Variants in NELL2 observed in about 807,000 individuals in gnomAD.
NELL2 encodes neural EGFL like 2.
Under a neutral mutation model 109.6 loss-of-function variants are expected in NELL2, and 41 were observed. That is an observed-to-expected ratio of 0.37 (90% CI 0.29 to 0.49). The LOEUF (loss-of-function observed/expected upper bound fraction) is 0.49. Ranked by LOEUF, NELL2 falls within the 20% of genes least tolerant of loss-of-function variation. The probability of loss-of-function intolerance (pLI) is 0.98; values close to 1 mark genes in which losing one functional copy is unlikely to be tolerated. For missense variants in NELL2, 900 were observed against 1,008.3 expected (o/e 0.89, Z 1.45); for synonymous variants, 355 against 344.7 (o/e 1.03, Z -0.33).
intron 2 of NELL2, among the ~76,000 whole-genome samples, chr12:44,847,935 G>A (rs1404866728): frequency 6.6e-6 from 1 of 151,320 alleles, no homozygotes; most frequent in Non-Finnish European, 1.5e-5. Context: ...GGGAGGCTGA[G>A]GTTCAAGAAT....
At chr12:44,616,239 G>C (rs1414651527) in intron 13 of NELL2, among the ~76,000 whole-genome samples, 1 of 152,058 alleles carries the variant, frequency 6.6e-6, no homozygotes, top group Non-Finnish European at 1.5e-5. Flanking sequence ...CTTCTCTAAT[G>C]TATTTCTCCT....
intron 3 of NELL2, among the ~76,000 whole-genome samples, chr12:44,814,253 C>G (rs1420373647): frequency 6.6e-6 from 1 of 152,142 alleles, no homozygotes; most frequent in Non-Finnish European, 1.5e-5. Context: ...TGGAAGAAGG[C>G]TGGGTGAGTT....
At chr12:44,770,819 A>G (rs764255116) in intron 9 of NELL2, among the ~76,000 whole-genome samples, 1 of 152,154 alleles carries the variant, frequency 6.6e-6, no homozygotes, top group African/African-American at 2.4e-5. Flanking sequence ...CAGATTCCCT[A>G]TTCTCATGAA....
intron 15 of NELL2, among the ~76,000 whole-genome samples, chr12:44,585,192 T>G (rs1401848854): frequency 6.6e-6 from 1 of 152,246 alleles, no homozygotes; most frequent in Non-Finnish European, 1.5e-5. Context: ...CAATTTTACT[T>G]CTAGGAAATA....
intron 2 of NELL2, among the ~76,000 whole-genome samples, chr12:44,868,618 A>G (rs1945077484): frequency 2.0e-5 from 3 of 152,210 alleles, no homozygotes; most frequent in Admixed American, 2.0e-4. Flanking sequence ...ACATTATGTA[A>G]AGTGAAATAA....
intron 13 of NELL2, among the ~76,000 whole-genome samples, chr12:44,648,085 C>G (rs1339542438): frequency 6.6e-6 from 1 of 152,030 alleles, no homozygotes; most frequent in Non-Finnish European, 1.5e-5. Context: ...GGGGGCTCCA[C>G]TGTGTGGAAG....
intron 19 of NELL2, among the ~76,000 whole-genome samples, chr12:44,517,312 T>C (rs1941314291): frequency 6.6e-6 from 1 of 152,078 alleles, no homozygotes; most frequent in Non-Finnish European, 1.5e-5. Flanking sequence ...TTCAAGTTTG[T>C]AGTTTTTGAT....
intron 2 of NELL2, among the ~76,000 whole-genome samples, chr12:44,841,187 T>C (rs1010724265): frequency 5.3e-5 from 8 of 152,240 alleles, no homozygotes; most frequent in Non-Finnish European, 1.0e-4. Context: ...CTATGTAGTA[T>C]GGCATTTCAA....
At chr12:44,655,470 G>A (rs948084983) in intron 13 of NELL2, among the ~76,000 whole-genome samples, 2 of 152,208 alleles carry the variant, frequency 1.3e-5, no homozygotes, top group South Asian at 2.1e-4. Context: ...AGCTCCCAGA[G>A]GCTTTGAGCC....
At chr12:44,876,374 C>T (rs1945325756), upstream of NELL2, 1 of 1,182,058 alleles carries the variant, frequency 8.5e-7, no homozygotes, top group Non-Finnish European at 1.1e-6. Flanking sequence ...AGGGGCGGGC[C>T]GGGGGAGGCG....
intron 9 of NELL2, among the ~76,000 whole-genome samples, chr12:44,760,700 C>CA (rs1941085748): frequency 2.0e-5 from 3 of 150,950 alleles, no homozygotes; most frequent in Admixed American, 6.6e-5. Context: ...TTTGTTTGAC[C>CA]AAAAAAAAGT....
rs540176807 is a variant in NELL2 at position 44,514,934 on chromosome 12, A to T, written c.2400+5071T>A. ...ATAATACTATACCTAATTATAATAT[A>T]ATAAGTTAATGATATATATTATAAT... is the stretch of plus-strand genomic sequence containing the variant. On this transcript the variant is annotated intron_variant, in intron 19 of 19. Transcript: ENST00000429094. Among the ~76,000 whole-genome samples, 30 of 151,148 alleles carry T rather than the reference A, an allele frequency of 2.0e-4. 2 individuals are homozygous for T. Among genetic ancestry groups the T allele is most frequent in the African/African-American group, 6.8e-4 (28 of 41,392 alleles).
At chr12:44,846,661 T>C (rs1338775527) in intron 2 of NELL2, among the ~76,000 whole-genome samples, 3 of 152,206 alleles carry the variant, frequency 2.0e-5, no homozygotes, top group South Asian at 2.1e-4. Flanking sequence ...TGTAAGCAAC[T>C]GAACCCATTA....
chr12:44,858,718 T>C (rs899831874), intron 2 of NELL2, among the ~76,000 whole-genome samples: 4 of 152,154 alleles, frequency 2.6e-5, no homozygotes, highest in African/African-American at 9.7e-5. Flanking sequence ...CCCGGCAATG[T>C]CAATTAGAAA....
chr12:44,610,584 A>G (rs969434612), intron 14 of NELL2, among the ~76,000 whole-genome samples: 1 of 151,984 alleles, frequency 6.6e-6, no homozygotes, highest in African/African-American at 2.4e-5. Flanking sequence ...TGGGTTTGAT[A>G]GAAAGGAACA....
intron 13 of NELL2, among the ~76,000 whole-genome samples, chr12:44,658,624 C>A (rs1285386251): frequency 6.6e-6 from 1 of 151,338 alleles, no homozygotes; most frequent in East Asian, 1.9e-4. Flanking sequence ...AAAGAGCCCA[C>A]ATAACCAAGA....
chr12:44,905,064 G>T lies in NELL2; in HGVS notation c.38+8735C>A, dbSNP rs560430413. Among the ~76,000 whole-genome samples the T allele has an allele frequency of 9.2e-4, 140 of 152,104 alleles. 2 individuals are homozygous for T. The highest frequency in any genetic ancestry group is 3.4e-3 in the African/African-American group (140 of 41,530). ...ATAAAAAAAACTTCTTTATCAGAGTGCTAGTGATGTAGATGTTCTTTTACA... is the reference window on the plus strand; with the variant it reads ...ATAAAAAAAACTTCTTTATCAGAGTTCTAGTGATGTAGATGTTCTTTTACA... On this transcript the variant is annotated intron_variant, in intron 1 of 20. Transcript: ENST00000333837.
intron 12 of NELL2, among the ~76,000 whole-genome samples, chr12:44,683,629 A>G (rs1042713323): frequency 7.9e-5 from 12 of 152,034 alleles, no homozygotes; most frequent in Non-Finnish European, 1.5e-4. Flanking sequence ...TTTAGCATGA[A>G]GGGTTGCTGA....
intron 9 of NELL2, among the ~76,000 whole-genome samples, chr12:44,756,820 G>C (rs1350780128): frequency 6.6e-6 from 1 of 151,924 alleles, no homozygotes; most frequent in Non-Finnish European, 1.5e-5. Context: ...ACTGCTCCTT[G>C]CTCCCTTTTC....
Sources: gnomAD v4.1 joint callset for allele counts (sites outside exome capture counted in the v4.1 genomes callset) on GRCh38, gnomAD v4.1.1 for gene constraint, MANE v1.5 for transcripts, NCBI Gene and HGNC (gene_info 2026-07-23, HGNC 2026-07-21) for gene names.